The following CCDC63 variants were observed in gnomAD, a reference collection of about 807,000 sequenced individuals.
CCDC63 encodes the protein coiled-coil domain containing 63, also known as coiled-coil domain-containing protein 63.
In CCDC63, 54 loss-of-function variants were observed where a neutral mutation model predicts 63.6. The observed-to-expected ratio is 0.85, with a 90% confidence interval of 0.68 to 1.07. The LOEUF is 1.07. Ranked by LOEUF, CCDC63 falls within the 50% of genes least tolerant of loss-of-function variation. The probability of loss-of-function intolerance (pLI) is 0.00; values close to 1 mark genes in which losing one functional copy is unlikely to be tolerated. For synonymous variants in CCDC63, 253 were observed against 266.1 expected, an observed-to-expected ratio of 0.95 and a Z score of 0.48; for missense variants, 637 against 689.6, an observed-to-expected ratio of 0.92 and a Z score of 0.86.
chr12:110,898,906 C>T, intron 9 of CCDC63, 27 bp from the exon 10 acceptor site: 18 of 1,543,206 alleles, frequency 1.2e-5, no homozygotes, highest in Non-Finnish European at 1.6e-5. Flanking sequence ...TCCTCCTGAG[C>T]AGGTGGGAAT....
In CCDC63 at chr12:110,873,812, C is replaced by G. The variant is rs761686003; in HGVS notation, c.370-30C>G. The G allele has an allele frequency of 1.2e-5, 19 of 1,609,862 alleles. No individual in the cohort carries two copies. The Admixed American group carries it at 3.2e-4, about 27-fold the overall frequency. The stretch of plus-strand genomic sequence containing the variant: ...GGTACCCATACAGATGCTAACACAG[C>G]TGGAATTTCTCTCTCTCTCTCTTTT... On this transcript the variant is annotated intron_variant, in intron 4 of 11. Transcript: ENST00000308208.
At chr12:110,850,159 G>T (rs1174680239) in intron 1 of CCDC63, among the ~76,000 whole-genome samples, 1 of 152,184 alleles carries the variant, frequency 6.6e-6, no homozygotes, top group Admixed American at 6.5e-5. Context: ...GTAGATCTGG[G>T]GACCTGTCTT....
In CCDC63 at chr12:110,907,400, G is replaced by A. The variant is rs776401462; in HGVS notation, c.1616G>A (p.Arg539Gln). 1.4e-5 allele frequency: 22 copies of A among 1,614,042 alleles called. No individual in the cohort carries two copies. The African/African-American group carries it at 1.9e-4, about 14-fold the overall frequency. The change falls in exon 12 of 12, where the codon CGG becomes CAG. Residue 539 changes from arginine (R) to glutamine (Q), a missense_variant. Transcript: ENST00000308208. The surrounding 1 kb of genome is among the most constrained non-coding windows in gnomAD (Gnocchi z 4.4). Reference sequence around the variant, plus strand: ...GACAATTATATCCTGAAGGAGAATCGGAGTAAGGAAGTGCGCGGAGACAGC... The same window carrying A: ...GACAATTATATCCTGAAGGAGAATCAGAGTAAGGAAGTGCGCGGAGACAGC... ...VLDNYILKEN[R>Q]SKEVRGDSLP... is the part of the protein sequence containing the mutation.
At chr12:110,872,814 T>C (rs2071083753) in intron 4 of CCDC63, among the ~76,000 whole-genome samples, 1 of 152,160 alleles carries the variant, frequency 6.6e-6, no homozygotes, top group Non-Finnish European at 1.5e-5. Flanking sequence ...TCTGTAGAGA[T>C]AGGGGTCTCA....
chr12:110,870,733 C>T (rs2071054863), intron 4 of CCDC63, among the ~76,000 whole-genome samples: 1 of 152,086 alleles, frequency 6.6e-6, no homozygotes, highest in Non-Finnish European at 1.5e-5. Flanking sequence ...GCCCTGGTTG[C>T]TCTCATCTTC....
At chr12:110,876,261 A>G (rs970678833) in intron 5 of CCDC63, among the ~76,000 whole-genome samples, 7 of 128 alleles carry the variant, frequency 0.055, no homozygotes, top group Admixed American at 0.1. Context: ...GAGGATAGAT[A>G]GTATGCTACG....
At chr12:110,849,434 T>G (rs904048512) in intron 1 of CCDC63, among the ~76,000 whole-genome samples, 1 of 151,902 alleles carries the variant, frequency 6.6e-6, no homozygotes, top group African/African-American at 2.4e-5. Flanking sequence ...TGAACCATCA[T>G]GCATGCCTTC....
At position 110,879,972 on chromosome 12, in the gene CCDC63, C is replaced by T. The variant is rs745666176; in HGVS notation, c.556C>T (p.Arg186Ter). The change falls in exon 6 of 12, where the codon CGA becomes TGA. Residue 186 changes from arginine to a stop codon, truncating the protein, a stop_gained. Coordinates refer to ENST00000308208, the MANE Select transcript of CCDC63 (RefSeq NM_152591.3). LOFTEE classifies it high-confidence loss of function. ...GCTCCGGAAGGAGATTGAAGACCTA[C>T]GATTTGAGAAGGCTGCTTATGACAA... ...AKLRKEIEDLRFEKAAYDNVY... is the reference protein window; with the variant it reads ...AKLRKEIEDL 6.2e-6 allele frequency: 10 copies of T among 1,614,074 alleles called. No homozygotes were observed. In the Middle Eastern group the frequency reaches 4.9e-4, roughly 80 times the overall value.
intron 4 of CCDC63, among the ~76,000 whole-genome samples, chr12:110,871,889 A>G (rs1407459664): frequency 6.6e-6 from 1 of 152,180 alleles, no homozygotes; most frequent in Non-Finnish European, 1.5e-5. Context: ...TATGCACTTT[A>G]TAACTGGCTT....
chr12:110,884,709 C>CG (rs1295659362), intron 8 of CCDC63, among the ~76,000 whole-genome samples: 2 of 151,814 alleles, frequency 1.3e-5, no homozygotes, highest in African/African-American at 4.8e-5. Context: ...TTTTTTGAGA[C>CG]GGAGTCTTGC....
At chr12:110,880,893 G>A (rs1213315487) in intron 6 of CCDC63, among the ~76,000 whole-genome samples, 2 of 89,298 alleles carry the variant, frequency 2.2e-5, no homozygotes, top group African/African-American at 4.0e-5. Context: ...GATGCTGAAG[G>A]CAATGATGAT....
chr12:110,878,724 G>A (rs969635505), intron 5 of CCDC63, among the ~76,000 whole-genome samples: 1 of 152,188 alleles, frequency 6.6e-6, no homozygotes, highest in African/African-American at 2.4e-5. Flanking sequence ...CCCTTACGAG[G>A]TGGTGATTTT....
At chr12:110,880,169 G>C in intron 6 of CCDC63, 82 bp downstream of exon 6, 1 of 1,189,318 alleles carries the variant, frequency 8.4e-7, no homozygotes, top group Non-Finnish European at 1.2e-6. Context: ...GGCCACCACT[G>C]TCCCTGGTCG....
chr12:110,893,228 C>G, intron 9 of CCDC63, 78 bp downstream of exon 9: 2 of 1,226,744 alleles, frequency 1.6e-6, no homozygotes. Flanking sequence ...TTCTGTCTGT[C>G]TGTCCGTCGG....
At position 110,874,314 on chromosome 12, in the gene CCDC63, T is replaced by C. The variant is rs557304636; in HGVS notation, c.489+353T>C. Among the ~76,000 whole-genome samples the C allele has an allele frequency of 3.3e-5, 5 of 152,300 alleles. No individual in the cohort carries two copies. The South Asian group carries it at 1.0e-3, about 32-fold the overall frequency. ...CTCTGTGACAAGCTGCTCATGCCTC[T>C]ATCATAGCCAGTGCCTTTTTGTTGT... On this transcript the variant is annotated intron_variant, in intron 5 of 11. Coordinates refer to ENST00000308208, the MANE Select transcript of CCDC63 (RefSeq NM_152591.3).
chr12:110,882,460 G>A (rs944828306), intron 7 of CCDC63, among the ~76,000 whole-genome samples: 4 of 152,016 alleles, frequency 2.6e-5, no homozygotes, highest in African/African-American at 9.7e-5. Flanking sequence ...TGGTGACAAG[G>A]TGCTGAGGGG....
intron 10 of CCDC63, among the ~76,000 whole-genome samples, chr12:110,901,051 C>T (rs983837705): frequency 6.6e-6 from 1 of 152,148 alleles, no homozygotes. Flanking sequence ...GGGTACAGAA[C>T]AAAATTGGCA....
rs1183182444 is a variant in CCDC63, at chr12:110,891,653, AAAG to A, written c.1075-1411_1075-1409del. 7.7e-3 allele frequency among the ~76,000 whole-genome samples: 1,099 copies of A among 143,030 alleles called. 29 individuals carry two copies. Among genetic ancestry groups the A allele is most frequent in the Non-Finnish European group, 7.9e-3 (523 of 66,452 alleles). 93.8% of individuals were successfully genotyped at this position (143,030 alleles called of 152,430 possible). ...CTTTCTCAAAAAAAAAAAAAAAAAA[AAAG>A]AAGAAGAAGAAAAGCACATTCCCCA... is the stretch of plus-strand genomic sequence containing the variant. On this transcript the variant is annotated intron_variant, in intron 8 of 11. Transcript: ENST00000308208.
intron 4 of CCDC63, 129 bp from the exon 5 acceptor site, chr12:110,873,713 C>T: frequency 2.5e-6 from 3 of 1,182,552 alleles, no homozygotes; most frequent in Non-Finnish European, 3.5e-6. Flanking sequence ...GAGCACACTT[C>T]AGTTAGTGAA....
Sources: gnomAD v4.1 joint callset for allele counts (sites outside exome capture counted in the v4.1 genomes callset) on GRCh38, gnomAD v4.1.1 for gene constraint, Gnocchi (gnomAD v3.1) non-coding constraint, MANE v1.5 for transcripts, NCBI Gene and HGNC (gene_info 2026-07-23, HGNC 2026-07-21) for gene names.